Variants in MAPKAPK2 observed in about 807,000 individuals in gnomAD.
MAPKAPK2 encodes the protein MAPK activated protein kinase 2, also known as MAP kinase-activated protein kinase 2.
In MAPKAPK2, 9 loss-of-function variants were observed where a neutral mutation model predicts 48.8. The ratio of observed to expected loss-of-function variants is 0.18; its 90% CI spans 0.11 to 0.32. The LOEUF (loss-of-function observed/expected upper bound fraction) is 0.32. Among genes scored for constraint, MAPKAPK2 ranks in the 10% least tolerant of loss-of-function variants. The pLI, the probability that MAPKAPK2 is intolerant of heterozygous loss-of-function variation, is 1.00. For missense variants in MAPKAPK2, 331 were observed against 498.3 expected (o/e 0.66, Z 3.20); for synonymous variants, 202 against 190.6 (o/e 1.06, Z -0.49).
intron 1 of MAPKAPK2, among the ~76,000 whole-genome samples, chr1:206,686,346 G>C (rs1405224476): frequency 6.6e-6 from 1 of 152,270 alleles, no homozygotes; most frequent in Non-Finnish European, 1.5e-5. Flanking sequence ...TGAGCCGGGG[G>C]AGCCCATCCC....
chr1:206,710,253 A>G (rs887239358), intron 1 of MAPKAPK2, among the ~76,000 whole-genome samples: 1 of 152,242 alleles, frequency 6.6e-6, no homozygotes, highest in Non-Finnish European at 1.5e-5. Context: ...TCCACAGATC[A>G]CTATGTACAT....
chr1:206,701,782 C>T (rs774883037), intron 1 of MAPKAPK2, among the ~76,000 whole-genome samples: 2 of 138,546 alleles, frequency 1.4e-5, no homozygotes, highest in East Asian at 2.4e-4. Flanking sequence ...TGCAGAGAGC[C>T]GTTATTGCAC....
chr1:206,719,411 G>A (rs1324388238), intron 1 of MAPKAPK2, among the ~76,000 whole-genome samples: 3 of 152,160 alleles, frequency 2.0e-5, no homozygotes, highest in African/African-American at 7.2e-5. Context: ...TTTGTTTTGG[G>A]TAGGGACTTT....
intron 1 of MAPKAPK2, among the ~76,000 whole-genome samples, chr1:206,707,770 A>G (rs1394788301): frequency 2.0e-5 from 3 of 152,168 alleles, no homozygotes; most frequent in Non-Finnish European, 4.4e-5. Context: ...CTGTGGCTAA[A>G]CTACAAAGTG....
At chr1:206,711,089 T>C (rs1673126586) in intron 1 of MAPKAPK2, among the ~76,000 whole-genome samples, 1 of 152,258 alleles carries the variant, frequency 6.6e-6, no homozygotes, top group Non-Finnish European at 1.5e-5. Context: ...TCCGCATTAC[T>C]GTGCAAAGCA....
intron 1 of MAPKAPK2, among the ~76,000 whole-genome samples, chr1:206,717,757 A>G (rs1553430583): frequency 6.6e-6 from 1 of 152,184 alleles, no homozygotes; most frequent in East Asian, 1.9e-4. Flanking sequence ...GTTCAAATAT[A>G]AGACCTGAAT....
At position 206,734,268 on chromosome 1, in the gene MAPKAPK2, CAG is replaced by C. The variant is rs1387279560; in HGVS notation, c.*1552_*1553del. ...TATGAGCGAAATTGTCTTTACTAAACAGATTTAATAGTTGAGAGTTTTTCTTT... is the reference window on the plus strand; with the variant it reads ...TATGAGCGAAATTGTCTTTACTAAACATTTAATAGTTGAGAGTTTTTCTTT... On this transcript the variant is annotated 3_prime_UTR_variant, in exon 10 of 10. Coordinates refer to ENST00000367103, the MANE Select transcript of MAPKAPK2 (RefSeq NM_032960.4). The C allele has an allele frequency of 6.5e-6, 1 of 152,836 alleles. No homozygotes were observed. Among genetic ancestry groups the C allele is most frequent in the East Asian group, 1.9e-4 (1 of 5,324 alleles). The allele number at this position is 152,836 out of a possible 1,614,324, so 9.5% of individuals were successfully genotyped here. A position where few individuals can be genotyped will look rare whatever the true frequency, so the allele number is the denominator to read the frequency against.
At chr1:206,720,081 C>T (rs1673467119) in intron 1 of MAPKAPK2, among the ~76,000 whole-genome samples, 1 of 152,182 alleles carries the variant, frequency 6.6e-6, no homozygotes, top group Non-Finnish European at 1.5e-5. Context: ...GCTCATGTGT[C>T]TCCTCCTGTG....
chr1:206,729,315 G>T (rs1386654289), intron 3 of MAPKAPK2, 81 bp from the exon 4 acceptor site: 1 of 1,238,074 alleles, frequency 8.1e-7, no homozygotes, highest in South Asian at 1.2e-5. Context: ...ACAGAGGTGG[G>T]ACCCGGTGCA....
At chr1:206,700,524 G>A (rs1462663628) in intron 1 of MAPKAPK2, among the ~76,000 whole-genome samples, 2 of 152,150 alleles carry the variant, frequency 1.3e-5, no homozygotes, top group African/African-American at 4.8e-5. Context: ...TGGGAAAAAA[G>A]GGCCCAGAAT....
chr1:206,733,469 C>G lies in MAPKAPK2; in HGVS notation c.*751C>G, dbSNP rs1379461519. On this transcript the variant is annotated 3_prime_UTR_variant, in exon 10 of 10. Transcript: ENST00000367103. ...TGAGCCTGCCAAAGTGCCTGGGAAG[C>G]CCACCCAGATTCTGAAACAGGCCCT... 1 of 152,274 alleles carries G rather than the reference C, an allele frequency of 6.6e-6. No individual in the cohort carries two copies. The highest frequency in any genetic ancestry group is 2.4e-5 in the African/African-American group (1 of 41,442). The allele number at this position is 152,274 out of a possible 1,614,324, so 9.4% of individuals were successfully genotyped here.
intron 1 of MAPKAPK2, among the ~76,000 whole-genome samples, 155 bp downstream of exon 1, chr1:206,685,663 G>A (rs1254193472): frequency 1.4e-5 from 2 of 147,114 alleles, no homozygotes; most frequent in African/African-American, 4.9e-5. Flanking sequence ...TGCCGAGTGC[G>A]GCGCGGGCGG....
chr1:206,688,472 G>A (rs1475354874), intron 1 of MAPKAPK2, among the ~76,000 whole-genome samples: 2 of 152,226 alleles, frequency 1.3e-5, no homozygotes, highest in East Asian at 3.9e-4. Flanking sequence ...CAGCGAAGGG[G>A]GCTGGATGGG....
rs1672257680 is a variant in MAPKAPK2 at position 206,685,491 on chromosome 1, G to C, written c.262G>C (p.Glu88Gln). Residue 88 changes from glutamate to glutamine, a missense_variant, in exon 1 of 10, where the codon GAG (glutamate) becomes CAG (glutamine). Physicochemically the swap from Glu to Gln is conservative, Grantham distance 29. This residue lies in a region of MAPKAPK2 where 111 missense variants were observed against 193.6 expected (regional missense o/e 0.57). Coordinates refer to ENST00000367103, the MANE Select transcript of MAPKAPK2 (RefSeq NM_032960.4). Reference sequence around the variant, plus strand: ...GCAGATCTTCAACAAGAGGACCCAGGAGAAATTCGCCCTCAAAGTAGGTCT... The same window carrying C: ...GCAGATCTTCAACAAGAGGACCCAGCAGAAATTCGCCCTCAAAGTAGGTCT... ...VLQIFNKRTQEKFALKMLQDC... is the reference protein window; with the variant it reads ...VLQIFNKRTQQKFALKMLQDC... 6.5e-7 allele frequency: 1 copy of C among 1,533,612 alleles called. No individual in the cohort carries two copies. The highest frequency in any genetic ancestry group is 8.8e-7 in the Non-Finnish European group (1 of 1,136,038).
At chr1:206,689,449 G>A (rs1032790306) in intron 1 of MAPKAPK2, among the ~76,000 whole-genome samples, 1 of 152,188 alleles carries the variant, frequency 6.6e-6, no homozygotes, top group South Asian at 2.1e-4. Context: ...GTGTGGCTAG[G>A]TGAGAGGCAG....
At chr1:206,691,892 C>CAGCT (rs1469641539) in intron 1 of MAPKAPK2, among the ~76,000 whole-genome samples, 1 of 152,154 alleles carries the variant, frequency 6.6e-6, no homozygotes, top group African/African-American at 2.4e-5. Context: ...CATCACTGAC[C>CAGCT]AGCTGCTCCT....
chr1:206,707,145 C>T (rs571021591), intron 1 of MAPKAPK2, among the ~76,000 whole-genome samples: 6 of 152,184 alleles, frequency 3.9e-5, no homozygotes, highest in East Asian at 3.9e-4. Flanking sequence ...TGGACCTAGA[C>T]GGGGTATCCT....
Position 206,696,148 on chromosome 1 carries a change from A to G in MAPKAPK2, c.279+10640A>G, listed in dbSNP as rs1553427022. The stretch of plus-strand genomic sequence containing the variant: ...GCCAGAAAGATCAGTGACATGGACA[A>G]AAGTGTCATTGAAGGATGCAAAGAT... On this transcript the variant is annotated intron_variant, in intron 1 of 9. Transcript: ENST00000367103. 4.5e-6 allele frequency: 7 copies of G among 1,564,924 alleles called. No homozygotes were observed. In the African/African-American group the frequency reaches 9.5e-5, roughly 21 times the overall value.
intron 1 of MAPKAPK2, among the ~76,000 whole-genome samples, chr1:206,714,642 A>G (rs2102401045): frequency 6.6e-6 from 1 of 151,254 alleles, no homozygotes; most frequent in South Asian, 2.1e-4. Flanking sequence ...GTGGGAGCCT[A>G]TAATCCCAGC....
Sources: gnomAD v4.1 joint callset for allele counts (sites outside exome capture counted in the v4.1 genomes callset) on GRCh38, gnomAD v4.1.1 for gene constraint, gnomAD v4.1.1 regional missense constraint, MANE v1.5 for transcripts, NCBI Gene and HGNC (gene_info 2026-07-23, HGNC 2026-07-21) for gene names.